The following GRIK5 variants were observed in gnomAD, a reference collection of about 807,000 sequenced individuals.
GRIK5 encodes glutamate ionotropic receptor kainate type subunit 5.
Under a neutral mutation model 97.4 loss-of-function variants are expected in GRIK5, and 43 were observed. The observed-to-expected ratio is 0.44, with a 90% CI of 0.35 to 0.57. The LOEUF (loss-of-function observed/expected upper bound fraction) is 0.57. GRIK5 is among the 20% of genes least tolerant of loss of function. The pLI, the probability that GRIK5 is intolerant of heterozygous loss-of-function variation, is 0.01. For missense variants in GRIK5, 1,015 were observed against 1,382.0 expected (o/e 0.73, Z 4.21); for synonymous variants, 580 against 583.5 (o/e 0.99, Z 0.09).
chr19:42,029,125 T>C (rs2075808523), intron 12 of GRIK5, among the ~76,000 whole-genome samples: 1 of 152,094 alleles, frequency 6.6e-6, no homozygotes. Flanking sequence ...TAGAGTGCAG[T>C]GGCGCAATCT....
chr19:42,024,488 C>A, intron 12 of GRIK5, among the ~76,000 whole-genome samples: 1 of 152,178 alleles, frequency 6.6e-6, no homozygotes, highest in Non-Finnish European at 1.5e-5. Flanking sequence ...GTTGGGATTA[C>A]AGGCGTGAGC....
chr19:42,058,825 CAAAAAAA>C (rs768060100), intron 6 of GRIK5, among the ~76,000 whole-genome samples: 2 of 62,756 alleles, frequency 3.2e-5, no homozygotes, highest in Non-Finnish European at 6.5e-5. Flanking sequence ...GACTCCGTCT[CAAAAAAA>C]AAAAAAAAGA....
chr19:42,030,353 T>C (rs2075826860), intron 12 of GRIK5, among the ~76,000 whole-genome samples: 1 of 152,142 alleles, frequency 6.6e-6, no homozygotes, highest in African/African-American at 2.4e-5. Flanking sequence ...GGCTAATTTT[T>C]GTATTTTTAG....
intron 12 of GRIK5, among the ~76,000 whole-genome samples, chr19:42,035,827 G>A (rs1302966727): frequency 1.3e-5 from 2 of 152,160 alleles, no homozygotes; most frequent in Non-Finnish European, 2.9e-5. Flanking sequence ...TCTGCTATTT[G>A]TACCATTTGG....
intron 8 of GRIK5, 136 bp downstream of exon 8, chr19:42,056,526 G>T: frequency 1.5e-6 from 1 of 682,484 alleles, no homozygotes; most frequent in Non-Finnish European, 2.5e-6. Context: ...TGGGTCCAAT[G>T]CATCACAAGG....
At chr19:42,038,940 A>G (rs774150631) in intron 12 of GRIK5, among the ~76,000 whole-genome samples, 8 of 151,960 alleles carry the variant, frequency 5.3e-5, no homozygotes, top group Non-Finnish European at 1.2e-4. Context: ...TGTAAATGTC[A>G]TTGCCATCAC....
In GRIK5 at chr19:42,021,182, G is replaced by T; in HGVS notation, c.1871+119C>A. ...TCCCCACCCCATTCCTCGTCACACA[G>T]CTCTGCAAGGGAAAACGGGGAATCA... On this transcript the variant is annotated intron_variant, in intron 15 of 19. Transcript: ENST00000593562. The surrounding 1 kb of genome is among the most constrained non-coding windows in gnomAD (Gnocchi z 4.2). 1 of 812,900 alleles carries T rather than the reference G, an allele frequency of 1.2e-6. No individual in the cohort carries two copies. The highest frequency in any genetic ancestry group is 2.8e-5 in the East Asian group (1 of 35,990). The allele number at this position is 812,900 out of a possible 1,614,324, so 50.4% of individuals were successfully genotyped here. A position where few individuals can be genotyped will look rare whatever the true frequency, so the allele number is the denominator to read the frequency against.
chr19:42,053,562 G>T, intron 11 of GRIK5, 40 bp downstream of exon 11: 1 of 1,209,736 alleles, frequency 8.3e-7, no homozygotes. Flanking sequence ...ACTGGGCTCA[G>T]GGCAGCGCCA....
chr19:42,001,871 C>G (rs2075426369), intron 19 of GRIK5: 1 of 529,284 alleles, frequency 1.9e-6, no homozygotes, highest in South Asian at 2.8e-5. Flanking sequence ...TCTTAAGAGC[C>G]ATTTGGCTGG....
Position 42,006,636 on chromosome 19 carries a change from T to G in GRIK5, c.2037+9A>C. ...CAACACCACGCCTGAGAGGTTCTGG[T>G]GGCCCCACCTGGAAGAAGGTCATGG... On this transcript the variant is annotated intron_variant, in intron 16 of 19. Coordinates refer to ENST00000593562, the MANE Select transcript of GRIK5 (RefSeq NM_002088.5). This position sits in a 1 kb window ranked among gnomAD's most constrained non-coding sequence, Gnocchi z 5.3. 6.2e-7 allele frequency: 1 copy of G among 1,612,900 alleles called. No homozygotes were observed.
intron 15 of GRIK5, among the ~76,000 whole-genome samples, chr19:42,010,143 A>C (rs546241395): frequency 6.6e-6 from 1 of 152,210 alleles, no homozygotes; most frequent in South Asian, 2.1e-4. Flanking sequence ...AGAAAGGAAA[A>C]AGTGATGAAA....
chr19:42,056,126 A>G (rs1199289549), intron 8 of GRIK5, among the ~76,000 whole-genome samples: 1 of 151,964 alleles, frequency 6.6e-6, no homozygotes, highest in Non-Finnish European at 1.5e-5. Flanking sequence ...GCTGGATTAC[A>G]GGCACCTGCC....
At chr19:42,038,518 G>A (rs538828317) in intron 12 of GRIK5, among the ~76,000 whole-genome samples, 2 of 152,258 alleles carry the variant, frequency 1.3e-5, no homozygotes, top group African/African-American at 2.4e-5. Context: ...TCTCTCACTG[G>A]GTGGCCATGA....
rs200039921 is a variant in GRIK5, at chr19:42,065,319, G to A, written c.148C>T (p.Gln50Ter). ...ERLALALAREQINGIIEVPAK... is the reference protein window; with the variant it reads ...ERLALALARE ...GGGACCTCGATGATCCCGTTGATCT[G>A]CTCCCGGGCCAAGGCCAAGGCCAGA... The change falls in exon 3 of 20, where the codon CAG becomes TAG. Residue 50 changes from glutamine to a stop codon, truncating the protein, a stop_gained. Coordinates refer to ENST00000593562, the MANE Select transcript of GRIK5 (RefSeq NM_002088.5). LOFTEE classifies it high-confidence loss of function. This position sits in a 1 kb window ranked among gnomAD's most constrained non-coding sequence, Gnocchi z 5.8. 6.2e-7 allele frequency: 1 copy of A among 1,612,138 alleles called. No individual in the cohort carries two copies.
At chr19:42,011,109 ACTAT>A (rs1415067360) in intron 15 of GRIK5, among the ~76,000 whole-genome samples, 38 of 150,208 alleles carry the variant, frequency 2.5e-4, no homozygotes, top group East Asian at 1.6e-3. Context: ...CCCAGCATTT[ACTAT>A]CTAACACACA....
chr19:42,018,463 AT>A lies in GRIK5; in HGVS notation c.1871+2837del, dbSNP rs1372172205. On this transcript the variant is annotated intron_variant, in intron 15 of 19. Transcript: ENST00000593562. ...CACTTAAGGTCAGGAGTTAGAGATC[AT>A]CCTGGCCAACACGGCAACACCCCAT... is the stretch of plus-strand genomic sequence containing the variant. Among the ~76,000 whole-genome samples, 2 of 151,400 alleles carry A rather than the reference AT, an allele frequency of 1.3e-5. 1 individual carries two copies. Among genetic ancestry groups the A allele is most frequent in the African/African-American group, 4.9e-5 (2 of 40,786 alleles).
At chr19:42,010,649 C>T (rs925625440) in intron 15 of GRIK5, among the ~76,000 whole-genome samples, 7 of 152,148 alleles carry the variant, frequency 4.6e-5, no homozygotes, top group East Asian at 1.9e-4. Flanking sequence ...CCAGCAGACC[C>T]GCACAGCAAG....
chr19:42,019,478 C>T (rs779948555), intron 15 of GRIK5, among the ~76,000 whole-genome samples: 1 of 152,226 alleles, frequency 6.6e-6, no homozygotes, highest in Non-Finnish European at 1.5e-5. Flanking sequence ...TTCACTTGGA[C>T]TGTGTGGCCG....
At position 42,000,005 on chromosome 19, in the gene GRIK5, A is replaced by G. The variant is rs782749598; in HGVS notation, c.2515-706T>C. On this transcript the variant is annotated intron_variant, in intron 19 of 19. Coordinates refer to ENST00000593562, the MANE Select transcript of GRIK5 (RefSeq NM_002088.5). Reference sequence around the variant, plus strand: ...TGGACAGATAACCGGGCAGGGCCGAAATGCCCAGGTGGGAGTGACTTGGCA... The same window carrying G: ...TGGACAGATAACCGGGCAGGGCCGAGATGCCCAGGTGGGAGTGACTTGGCA... Among the ~76,000 whole-genome samples the G allele has an allele frequency of 5.5e-4, 83 of 152,204 alleles. 1 individual carries two copies. The highest frequency in any genetic ancestry group is 1.6e-4 in the Non-Finnish European group (11 of 68,034).
Sources: gnomAD v4.1 joint callset for allele counts (sites outside exome capture counted in the v4.1 genomes callset) on GRCh38, gnomAD v4.1.1 for gene constraint, Gnocchi (gnomAD v3.1) non-coding constraint, MANE v1.5 for transcripts, NCBI Gene and HGNC (gene_info 2026-07-23, HGNC 2026-07-21) for gene names.